DAG1: variants seen among roughly 807,000 people sequenced by gnomAD.
DAG1 encodes dystroglycan 1 (dystrophin-associated glycoprotein 1).
Under a neutral mutation model 46.1 loss-of-function variants are expected in DAG1, and 8 were observed. The observed-to-expected ratio is 0.17, with a 90% CI of 0.10 to 0.31. The LOEUF is 0.31. Among genes scored for constraint, DAG1 ranks in the 10% least tolerant of loss-of-function variants. The probability of loss-of-function intolerance (pLI) is 1.00; values close to 1 mark genes in which losing one functional copy is unlikely to be tolerated. For synonymous variants in DAG1, 495 were observed against 481.8 expected (o/e 1.03, Z -0.36); for missense variants, 1,003 against 1,189.9 (o/e 0.84, Z 2.31).
chr3:49,503,214 T>C (rs139409824), intron 1 of DAG1, among the ~76,000 whole-genome samples: 42 of 152,326 alleles, frequency 2.8e-4, no homozygotes, highest in African/African-American at 9.1e-4. Context: ...CCAACAGCCA[T>C]GTGGTCCTGT....
chr3:49,511,664 T>C (rs1385612481), intron 2 of DAG1, among the ~76,000 whole-genome samples: 3 of 151,912 alleles, frequency 2.0e-5, no homozygotes, highest in Admixed American at 6.6e-5. Flanking sequence ...TAAGCACATA[T>C]CAGCACACCT....
chr3:49,530,102 A>G (rs2051298121), intron 2 of DAG1, among the ~76,000 whole-genome samples: 2 of 152,146 alleles, frequency 1.3e-5, no homozygotes, highest in Admixed American at 6.6e-5. Context: ...CTATTCTAGA[A>G]TAGTTGATTC....
intron 1 of DAG1, among the ~76,000 whole-genome samples, chr3:49,479,744 T>G (rs906220522): frequency 7.0e-6 from 1 of 143,104 alleles, no homozygotes; most frequent in Non-Finnish European, 1.5e-5. Flanking sequence ...TTCAATTGAT[T>G]CTCCTGCCTC....
At chr3:49,486,723 G>A (rs926222175) in intron 1 of DAG1, among the ~76,000 whole-genome samples, 1 of 151,662 alleles carries the variant, frequency 6.6e-6, no homozygotes, top group East Asian at 1.9e-4. Flanking sequence ...GGCTGGTCTC[G>A]AACTCCTGAC....
chr3:49,517,607 CTGAT>C lies in DAG1; in HGVS notation c.285+6791_285+6794del, dbSNP rs2050931432. On this transcript the variant is annotated intron_variant, in intron 2 of 2. Coordinates refer to ENST00000308775, the MANE Select transcript of DAG1 (RefSeq NM_004393.6). ...AGCTGACCTATCATTGGGCCCAAAA[CTGAT>C]TGCTAAGTAAATGGCTGGTTTACAG... Among the ~76,000 whole-genome samples, 6 of 152,230 alleles carry C rather than the reference CTGAT, an allele frequency of 3.9e-5. No individual in the cohort carries two copies. The South Asian group carries it at 1.2e-3, about 32-fold the overall frequency.
At chr3:49,503,646 A>G (rs1333625938) in intron 1 of DAG1, among the ~76,000 whole-genome samples, 2 of 152,118 alleles carry the variant, frequency 1.3e-5, no homozygotes, top group Non-Finnish European at 2.9e-5. Flanking sequence ...AGGCTGGGCA[A>G]CATGGTGACA....
In DAG1 at chr3:49,474,810, G is replaced by GTT. The variant is rs35680171; in HGVS notation, c.-117+4391_-117+4392dup. 2.1e-3 allele frequency among the ~76,000 whole-genome samples: 289 copies of GTT among 139,548 alleles called. 7 individuals carry two copies. The highest frequency in any genetic ancestry group is 0.016 in the East Asian group (75 of 4,744). The allele number at this position is 139,548 out of a possible 152,430, so 91.5% of individuals were successfully genotyped here. A position where few individuals can be genotyped will look rare whatever the true frequency, so the allele number is the denominator to read the frequency against. On this transcript the variant is annotated intron_variant, in intron 1 of 2. Coordinates refer to ENST00000308775, the MANE Select transcript of DAG1 (RefSeq NM_004393.6). ...TTTTTTAAAATTAATTAATTAATTA[G>GTT]TTTTTTTTTTTTTTTGAGACGGAGT...
intron 1 of DAG1, among the ~76,000 whole-genome samples, chr3:49,491,578 G>A (rs1256426160): frequency 2.0e-5 from 3 of 151,588 alleles, no homozygotes; most frequent in Non-Finnish European, 4.4e-5. Flanking sequence ...CCGGGTTCAC[G>A]CCATTCTCCT....
intron 2 of DAG1, among the ~76,000 whole-genome samples, chr3:49,521,153 TTTTG>T (rs926907821): frequency 9.9e-5 from 15 of 152,068 alleles, no homozygotes; most frequent in African/African-American, 2.9e-4. Flanking sequence ...TGTTTTGTTT[TTTTG>T]TTTGTTTTTG....
chr3:49,469,467 CCT>C (rs1443513405), upstream of DAG1, among the ~76,000 whole-genome samples: 1 of 151,992 alleles, frequency 6.6e-6, no homozygotes, highest in Admixed American at 6.6e-5. Context: ...CAGCAACCCC[CCT>C]CTCTTATTTC....
At chr3:49,490,592 C>T (rs2050156743) in intron 1 of DAG1, among the ~76,000 whole-genome samples, 1 of 148,770 alleles carries the variant, frequency 6.7e-6, no homozygotes, top group Non-Finnish European at 1.5e-5. Flanking sequence ...TTTTTTGGGA[C>T]AGGGTCTTGC....
At chr3:49,476,515 TG>T (rs950010725) in intron 1 of DAG1, among the ~76,000 whole-genome samples, 4 of 152,152 alleles carry the variant, frequency 2.6e-5, no homozygotes, top group African/African-American at 9.7e-5. Flanking sequence ...TGCCTGAACC[TG>T]GGAGGTGGAG....
chr3:49,496,091 G>A (rs2050303058), intron 1 of DAG1, among the ~76,000 whole-genome samples: 1 of 152,104 alleles, frequency 6.6e-6, no homozygotes, highest in East Asian at 1.9e-4. Flanking sequence ...GCCCCTAAAA[G>A]CCTCCTAAAG....
intron 1 of DAG1, among the ~76,000 whole-genome samples, chr3:49,482,510 A>G (rs1261679755): frequency 6.6e-6 from 1 of 152,224 alleles, no homozygotes; most frequent in East Asian, 1.9e-4. Flanking sequence ...ACATGTTTGC[A>G]GCAATGCTGC....
chr3:49,473,212 A>C (rs766454398), intron 1 of DAG1, among the ~76,000 whole-genome samples: 9 of 151,936 alleles, frequency 5.9e-5, no homozygotes, highest in Non-Finnish European at 1.2e-4. Flanking sequence ...TCAGGAGATC[A>C]AGACCATCCT....
At chr3:49,478,403 T>C (rs1484988897) in intron 1 of DAG1, among the ~76,000 whole-genome samples, 1 of 119,280 alleles carries the variant, frequency 8.4e-6, no homozygotes, top group Non-Finnish European at 1.6e-5. Flanking sequence ...GAGACCAGCT[T>C]GGGCAACAAA....
At chr3:49,509,018 C>CT (rs1223132141) in intron 1 of DAG1, among the ~76,000 whole-genome samples, 7 of 152,280 alleles carry the variant, frequency 4.6e-5, no homozygotes, top group Admixed American at 3.9e-4. Flanking sequence ...TAGAGTCTTA[C>CT]TACCATCATA....
chr3:49,519,882 C>CT (rs1553650181), intron 2 of DAG1, among the ~76,000 whole-genome samples: 4 of 152,110 alleles, frequency 2.6e-5, no homozygotes, highest in African/African-American at 9.7e-5. Flanking sequence ...GGGAAAAAGA[C>CT]TAATTTTTGC....
chr3:49,532,692 G>T lies in DAG1; in HGVS notation c.2181G>T (p.Val727=), dbSNP rs149768786. Residue 727 remains valine, a synonymous_variant, in exon 3 of 3, where the codon GTG becomes GTT. Coordinates refer to ENST00000308775, the MANE Select transcript of DAG1 (RefSeq NM_004393.6). The surrounding 1 kb of genome is among the most constrained non-coding windows in gnomAD (Gnocchi z 5.4). The part of the protein sequence containing the change: ...QFIPVVPPRR[V]PSEAPPTEVP... ...TCCCTGTGGTACCACCCAGGAGAGT[G>T]CCCTCAGAGGCGCCGCCCACAGAAG... The T allele has an allele frequency of 1.2e-6, 2 of 1,614,054 alleles. No homozygotes were observed. The highest frequency in any genetic ancestry group is 2.7e-5 in the African/African-American group (2 of 74,934).
Sources: gnomAD v4.1 joint callset for allele counts (sites outside exome capture counted in the v4.1 genomes callset) on GRCh38, gnomAD v4.1.1 for gene constraint, Gnocchi (gnomAD v3.1) non-coding constraint, MANE v1.5 for transcripts, NCBI Gene and HGNC (gene_info 2026-07-23, HGNC 2026-07-21) for gene names.